The following CDH26 variants were observed in gnomAD, a reference collection of about 807,000 sequenced individuals.
The protein encoded by CDH26 is cadherin 26, also known as cadherin-like protein 26.
In CDH26, 83 loss-of-function variants were observed where a neutral mutation model predicts 90.3. That is an observed-to-expected ratio of 0.92 (90% CI 0.77 to 1.10). The LOEUF (loss-of-function observed/expected upper bound fraction) is 1.10. Among genes scored for constraint, CDH26 ranks in the 50% least tolerant of loss-of-function variants. The probability of loss-of-function intolerance (pLI) is 0.00; values close to 1 mark genes in which losing one functional copy is unlikely to be tolerated. For missense variants in CDH26, 1,013 were observed against 1,037.6 expected, an observed-to-expected ratio of 0.98 and a Z score of 0.33; for synonymous variants, 397 against 396.3, an observed-to-expected ratio of 1.00 and a Z score of -0.02.
chr20:60,017,602 G>C (rs1043877094), downstream of CDH26, among the ~76,000 whole-genome samples: 1 of 151,622 alleles, frequency 6.6e-6, no homozygotes, highest in African/African-American at 2.4e-5. Flanking sequence ...TCTCGATTTT[G>C]TTTATTTGTG....
intron 11 of CDH26, among the ~76,000 whole-genome samples, chr20:59,995,259 T>C (rs1335039258): frequency 6.6e-6 from 1 of 152,132 alleles, no homozygotes; most frequent in Non-Finnish European, 1.5e-5. Context: ...CTGAGCCGGA[T>C]AGGGGCAATG....
chr20:60,034,350 G>C (rs2062067555), downstream of CDH26, among the ~76,000 whole-genome samples: 6 of 152,208 alleles, frequency 3.9e-5, no homozygotes, highest in Admixed American at 3.9e-4. Context: ...TTGTGCTCTG[G>C]GGGAAGGGTC....
intron 2 of CDH26, among the ~76,000 whole-genome samples, chr20:59,969,331 C>A (rs1232172906): frequency 1.3e-5 from 2 of 152,124 alleles, no homozygotes; most frequent in Non-Finnish European, 2.9e-5. Context: ...TCATATTTTC[C>A]ATTGCAGCAG....
Position 59,984,779 on chromosome 20 carries a change from C to T in CDH26, c.682C>T (p.Arg228Ter), listed in dbSNP as rs766848205. ...GGTTGATCGCCTTAGTGGAGAAATA[C>T]GACTCTCTGGCTGCTTAGATTATGA... Reference protein sequence around the residue: ...FRVDRLSGEIRLSGCLDYETA... With the variant: ...FRVDRLSGEI Residue 228 changes from arginine to a stop codon, truncating the protein, a stop_gained, in exon 6 of 18, where the codon CGA becomes TGA. Transcript: ENST00000348616. LOFTEE classifies it high-confidence loss of function. 17 of 1,612,000 alleles carry T rather than the reference C, an allele frequency of 1.1e-5. No individual in the cohort carries two copies. In the African/African-American group the frequency reaches 1.1e-4, roughly 10 times the overall value.
At chr20:59,976,939 C>T (rs991581881) in intron 4 of CDH26, among the ~76,000 whole-genome samples, 2 of 152,054 alleles carry the variant, frequency 1.3e-5, no homozygotes, top group Non-Finnish European at 2.9e-5. Context: ...TTAGAGGCCC[C>T]CTGGGAGGGC....
At chr20:60,003,838 T>G (rs145628058) in intron 16 of CDH26, among the ~76,000 whole-genome samples, 1,645 of 152,188 alleles carry the variant, frequency 0.011, 41 homozygotes, top group African/African-American at 0.038. Flanking sequence ...AGAGGAGAGA[T>G]AGTGCTCTCT....
exon 9 of CDH26, chr20:60,033,619 A>G (rs2062061489): frequency 2.3e-6 from 3 of 1,304,940 alleles, no homozygotes; most frequent in Admixed American, 2.3e-5. Context: ...CATGTTTCCC[A>G]GGAGACTACA....
intron 7 of CDH26, among the ~76,000 whole-genome samples, chr20:60,029,432 G>GTCAACAACATAA: frequency 6.6e-6 from 1 of 152,104 alleles, no homozygotes; most frequent in Admixed American, 6.5e-5. Context: ...CAACAACATA[G>GTCAACAACATAA]CACCTATAGT....
In CDH26 at chr20:60,014,391, A is replaced by G. The variant is rs1459523217; in HGVS notation, c.*1661A>G. 1 of 152,238 alleles carries G rather than the reference A, an allele frequency of 6.6e-6. No individual in the cohort carries two copies. The highest frequency in any genetic ancestry group is 1.5e-5 in the Non-Finnish European group (1 of 68,052). 9.4% of individuals were successfully genotyped at this position (152,238 alleles called of 1,614,324 possible). ...ATAATGGTATAGAGTGCTAGAACGT[A>G]TTCCTCCTAGGAATAATTTGCTGTA... is the stretch of plus-strand genomic sequence containing the variant. On this transcript the variant is annotated 3_prime_UTR_variant, in exon 18 of 18. Transcript: ENST00000348616.
chr20:59,973,983 A>G (rs2061296540), intron 4 of CDH26, among the ~76,000 whole-genome samples: 1 of 152,222 alleles, frequency 6.6e-6, no homozygotes, highest in Non-Finnish European at 1.5e-5. Context: ...GTCTTCCACA[A>G]TGGTTGAAGT....
chr20:59,971,012 AG>A (rs1432124466), intron 3 of CDH26, among the ~76,000 whole-genome samples: 1 of 152,060 alleles, frequency 6.6e-6, no homozygotes, highest in Non-Finnish European at 1.5e-5. Flanking sequence ...CCTCATGCTG[AG>A]GGTGAGCACT....
chr20:59,975,513 A>G (rs1269229286), intron 4 of CDH26, among the ~76,000 whole-genome samples: 1 of 152,174 alleles, frequency 6.6e-6, no homozygotes, highest in Non-Finnish European at 1.5e-5. Context: ...GGTCTATGGT[A>G]TTTTGTTACA....
chr20:59,976,486 C>G (rs1417157707), intron 4 of CDH26, among the ~76,000 whole-genome samples: 1 of 152,142 alleles, frequency 6.6e-6, no homozygotes, highest in Admixed American at 6.5e-5. Flanking sequence ...ATAAAACACA[C>G]AAGTGGTTCT....
chr20:59,963,432 G>A (rs918820471), intron 1 of CDH26, among the ~76,000 whole-genome samples: 2 of 151,872 alleles, frequency 1.3e-5, no homozygotes, highest in African/African-American at 4.8e-5. Context: ...TATATATTTT[G>A]TAGAGACAGG....
At chr20:59,958,870 A>T in intron 1 of CDH26, 75 bp downstream of exon 1, 1 of 1,445,904 alleles carries the variant, frequency 6.9e-7, no homozygotes, top group Non-Finnish European at 9.5e-7. Flanking sequence ...TGCCCCTTCT[A>T]GGCTAAGGGA....
downstream of CDH26, among the ~76,000 whole-genome samples, chr20:60,035,565 A>ATT (rs141231906): frequency 6.3e-5 from 9 of 143,954 alleles, no homozygotes; most frequent in African/African-American, 2.3e-4. Context: ...TCATTTACCC[A>ATT]TTTTTTTTTT....
rs1050145953 is a variant in CDH26, at chr20:59,992,901, A to T, written c.1426+381A>T. ...ACGAGCTCAGATAAATGGGACTGTA[A>T]GGGACACATTTGTCATAAACCAGAA... On this transcript the variant is annotated intron_variant, in intron 10 of 17. Coordinates refer to ENST00000348616, the MANE Select transcript of CDH26 (RefSeq NM_177980.4). This position sits in a 1 kb window ranked among gnomAD's most constrained non-coding sequence, Gnocchi z 5.0. 1.3e-5 allele frequency among the ~76,000 whole-genome samples: 2 copies of T among 152,190 alleles called. No individual in the cohort carries two copies. Among genetic ancestry groups the T allele is most frequent in the Non-Finnish European group, 2.9e-5 (2 of 68,030 alleles).
intron 8 of CDH26, among the ~76,000 whole-genome samples, chr20:60,032,637 G>A (rs535855650): frequency 5.3e-5 from 8 of 152,056 alleles, no homozygotes; most frequent in East Asian, 1.9e-4. Context: ...AGAAAATGTG[G>A]CACATATACA....
intron 17 of CDH26, 130 bp downstream of exon 17, chr20:60,006,917 C>A: frequency 1.5e-6 from 1 of 673,860 alleles, no homozygotes; most frequent in South Asian, 1.8e-5. Flanking sequence ...TAATAAAATA[C>A]CATAGCCTGA....
Sources: gnomAD v4.1 joint callset for allele counts (sites outside exome capture counted in the v4.1 genomes callset) on GRCh38, gnomAD v4.1.1 for gene constraint, Gnocchi (gnomAD v3.1) non-coding constraint, MANE v1.5 for transcripts, NCBI Gene and HGNC (gene_info 2026-07-23, HGNC 2026-07-21) for gene names.